Variants in PAX6 observed in about 807,000 individuals in gnomAD.
PAX6 encodes paired box protein Pax-6.
A neutral mutation model predicts 60.7 loss-of-function variants in PAX6; 7 were observed. That is an observed-to-expected ratio of 0.12 (90% CI 0.07 to 0.22). The LOEUF (loss-of-function observed/expected upper bound fraction) is 0.22. Among genes scored for constraint, PAX6 ranks in the 10% least tolerant of loss-of-function variants. The probability of loss-of-function intolerance (pLI) is 1.00; values close to 1 mark genes in which losing one functional copy is unlikely to be tolerated. For missense variants in PAX6, 355 were observed against 555.2 expected, an observed-to-expected ratio of 0.64 and a Z score of 3.62; for synonymous variants, 208 against 201.2, an observed-to-expected ratio of 1.03 and a Z score of -0.29.
chr11:31,808,177 C>T (rs1956289428), intron 2 of PAX6: 1 of 151,948 alleles, frequency 6.6e-6, no homozygotes. Context: ...TTCTGTTTTA[C>T]CTATGGTGAT....
At chr11:31,810,667 GA>G in intron 2 of PAX6, 160 bp downstream of exon 2, 1 of 395,766 alleles carries the variant, frequency 2.5e-6, no homozygotes, top group Non-Finnish European at 4.4e-6. Context: ...GCTGGAAGTA[GA>G]AAGTTTGGGC....
chr11:31,790,460 G>A (rs1949537054), intron 13 of PAX6: 1 of 1,356,092 alleles, frequency 7.4e-7, no homozygotes, highest in African/African-American at 1.5e-5. Context: ...CAGAAAACTT[G>A]CAGTCTCAGG....
intron 13 of PAX6, 59 bp from the exon 14 acceptor site, chr11:31,790,078 A>T: frequency 1.1e-6 from 1 of 874,216 alleles, no homozygotes; most frequent in Non-Finnish European, 1.8e-6. Context: ...CAGACATGGA[A>T]TACAAATTTA....
Position 31,793,497 on chromosome 11 carries a change from T to C in PAX6, c.1015A>G (p.Thr339Ala). Residue 339 changes from threonine to alanine, a missense_variant, in exon 12 of 14, where the codon ACC (threonine) becomes GCC (alanine). Physicochemically the swap from Thr to Ala is moderately conservative, Grantham distance 58 (BLOSUM62 0). Coordinates refer to ENST00000640368, the MANE Select transcript of PAX6 (RefSeq NM_001368894.2). ...GGCATAGGCGGCAGAGCGCTGTAGG[T>C]GTTTGTGAGGGCTGTGTCTGTTCGG... ...LGRTDTALTN[T>A]YSALPPMPSF... 6.2e-7 allele frequency: 1 copy of C among 1,614,172 alleles called. No individual in the cohort carries two copies. The highest frequency in any genetic ancestry group is 1.1e-5 in the South Asian group (1 of 91,078).
upstream of PAX6, chr11:31,811,335 C>G: frequency 2.5e-6 from 1 of 398,358 alleles, no homozygotes; most frequent in Non-Finnish European, 4.4e-6. Context: ...ATGCACCGCT[C>G]GCTCTCACAC....
chr11:31,808,559 T>C (rs1033300491), intron 2 of PAX6: 5 of 152,234 alleles, frequency 3.3e-5, no homozygotes, highest in African/African-American at 9.6e-5. Context: ...GGGGTAAAAC[T>C]TCCAGAACTC....
chr11:31,805,388 C>G (rs1244902145), intron 4 of PAX6: 1 of 152,464 alleles, frequency 6.6e-6, no homozygotes, highest in East Asian at 1.9e-4. Flanking sequence ...TACGCGCTTA[C>G]CAGCCCCGGA....
At chr11:31,790,058 C>A (rs1299580351) in intron 13 of PAX6, 39 bp from the exon 14 acceptor site, 11 of 848,404 alleles carry the variant, frequency 1.3e-5, no homozygotes, top group Non-Finnish European at 1.9e-5. Context: ...TAGATATTCC[C>A]TTTGAGAAAC....
At position 31,793,657 on chromosome 11, in the gene PAX6, G is replaced by A; in HGVS notation, c.953C>T (p.Thr318Ile). ...GTATTAGTATTTCAAATTACCCGGT[G>A]TGGTGGGTTGTGGAATTGGTTGGTA... ...SVYQPIPQPT[T>I]PVSSFTSGSM... The change falls in exon 11 of 14, where the codon ACA (threonine) becomes ATA (isoleucine). Residue 318 changes from threonine (T) to isoleucine (I), a missense_variant. By Grantham distance (89) the Thr-to-Ile change is moderately conservative. Transcript: ENST00000640368. 6.2e-7 allele frequency: 1 copy of A among 1,614,196 alleles called. No homozygotes were observed. The highest frequency in any genetic ancestry group is 8.5e-7 in the Non-Finnish European group (1 of 1,180,004).
intron 8 of PAX6, among the ~76,000 whole-genome samples, chr11:31,797,642 C>T (rs1952032016): frequency 6.6e-6 from 1 of 152,042 alleles, no homozygotes; most frequent in Admixed American, 6.5e-5. Flanking sequence ...TTAGAAGTGG[C>T]AACTGTTTGC....
intron 4 of PAX6, 104 bp downstream of exon 4, chr11:31,806,298 C>G (rs1210465558): frequency 2.2e-6 from 3 of 1,395,186 alleles, no homozygotes; most frequent in Non-Finnish European, 3.0e-6. Flanking sequence ...CTCAGTCGGT[C>G]GGCGGCCGGG....
chr11:31,806,201 T>C, intron 4 of PAX6: 1 of 545,952 alleles, frequency 1.8e-6, no homozygotes, highest in South Asian at 2.6e-5. Context: ...CCCCTGCTTC[T>C]CCAGTATCGA....
chr11:31,809,130 G>A (rs774637995), intron 2 of PAX6, among the ~76,000 whole-genome samples: 1 of 152,116 alleles, frequency 6.6e-6, no homozygotes, highest in Non-Finnish European at 1.5e-5. Flanking sequence ...AGAGCTCTCG[G>A]TCCTCCCGCC....
chr11:31,806,434 G>A lies in PAX6; in HGVS notation c.-23C>T. On this transcript the variant is annotated 5_prime_UTR_variant, in exon 4 of 14. Coordinates refer to ENST00000640368, the MANE Select transcript of PAX6 (RefSeq NM_001368894.2). Reference sequence around the variant, plus strand: ...CATGCTGGCTCTGGCTGGGGGCCGCGGGATTCCACGGGGCTCGAATATGGG... The same window carrying A: ...CATGCTGGCTCTGGCTGGGGGCCGCAGGATTCCACGGGGCTCGAATATGGG... 6.2e-7 allele frequency: 1 copy of A among 1,607,620 alleles called. No homozygotes were observed. The highest frequency in any genetic ancestry group is 8.5e-7 in the Non-Finnish European group (1 of 1,177,224).
At position 31,794,016 on chromosome 11, in the gene PAX6, C is replaced by T. The variant is rs767196660; in HGVS notation, c.807+16G>A. The T allele has an allele frequency of 6.4e-7, 1 of 1,563,220 alleles. No homozygotes were observed. Among genetic ancestry groups the T allele is most frequent in the East Asian group, 2.2e-5 (1 of 44,642 alleles). On this transcript the variant is annotated intron_variant, in intron 10 of 13. Coordinates refer to ENST00000640368, the MANE Select transcript of PAX6 (RefSeq NM_001368894.2). ...GTATGAATCACAAAGTGTGAAACTG[C>T]ACAGTCTCTCGGTACCTGTATTCTT...
At chr11:31,802,991 C>T (rs1380055102) in intron 4 of PAX6, 157 bp from the exon 5 acceptor site, 2 of 778,536 alleles carry the variant, frequency 2.6e-6, no homozygotes, top group Admixed American at 4.1e-5. Context: ...GAGGAGACAA[C>T]CACAATGCAT....
chr11:31,806,406 C>A lies in PAX6; in HGVS notation c.6G>T (p.Gln2His). Residue 2 changes from glutamine to histidine, a missense_variant, in exon 4 of 14, where the codon CAG becomes CAT. By Grantham distance (24) the Gln-to-His change is conservative (BLOSUM62 0). Coordinates refer to ENST00000640368, the MANE Select transcript of PAX6 (RefSeq NM_001368894.2). M[Q>H]NSHSGVNQLG... ...AGAAAGACCAGAGGCACTTACTGTT[C>A]TGCATGCTGGCTCTGGCTGGGGGCC... 1 of 1,609,972 alleles carries A rather than the reference C, an allele frequency of 6.2e-7. No individual in the cohort carries two copies. Among genetic ancestry groups the A allele is most frequent in the Non-Finnish European group, 8.5e-7 (1 of 1,178,258 alleles).
chr11:31,816,610 G>A (rs1450483859), intron 1 of PAX6: 1 of 702,562 alleles, frequency 1.4e-6, no homozygotes, highest in South Asian at 1.5e-5. Flanking sequence ...CCAGGGAGAG[G>A]AACCCGCGGA....
chr11:31,811,160 G>A lies in PAX6; in HGVS notation c.-362C>T. The A allele has an allele frequency of 2.5e-6, 1 of 399,328 alleles. No individual in the cohort carries two copies. The highest frequency in any genetic ancestry group is 4.4e-6 in the Non-Finnish European group (1 of 226,354). 24.7% of individuals were successfully genotyped at this position (399,328 alleles called of 1,614,324 possible). A position where few individuals can be genotyped will look rare whatever the true frequency, so the allele number is the denominator to read the frequency against. On this transcript the variant is annotated 5_prime_UTR_variant, in exon 1 of 14. Coordinates refer to ENST00000640368, the MANE Select transcript of PAX6 (RefSeq NM_001368894.2). ...TCAAGTGTGTTAATGTGTGTGTGCC[G>A]GCGCCCGGCCTCGCCTCCACCGCTC...
Sources: allele counts gnomAD v4.1 joint callset (sites outside exome capture counted in the v4.1 genomes callset), GRCh38; gene constraint gnomAD v4.1.1; transcripts MANE v1.5; gene names NCBI Gene and HGNC (gene_info 2026-07-23, HGNC 2026-07-21).